The following DNAH11 variants were observed in gnomAD, a reference collection of about 807,000 sequenced individuals.
DNAH11 encodes the protein dynein axonemal heavy chain 11.
Under a neutral mutation model 526.0 loss-of-function variants are expected in DNAH11, and 442 were observed. The observed-to-expected ratio is 0.84, with a 90% CI of 0.78 to 0.91. The LOEUF (loss-of-function observed/expected upper bound fraction) is 0.91. DNAH11 is among the 40% of genes least tolerant of loss of function. DNAH11 has a pLI of 0.00. For synonymous variants in DNAH11, 2,461 were observed against 1,935.9 expected, an observed-to-expected ratio of 1.27 and a Z score of -7.12; for missense variants, 6,989 against 5,448.7, an observed-to-expected ratio of 1.28 and a Z score of -8.90.
intron 2 of DNAH11, among the ~76,000 whole-genome samples, chr7:21,556,490 G>T (rs1414404300): frequency 6.6e-6 from 1 of 152,162 alleles, no homozygotes; most frequent in Non-Finnish European, 1.5e-5. Context: ...AGTAGGTAAT[G>T]CATGTTCAGC....
intron 74 of DNAH11, 57 bp downstream of exon 74, chr7:21,873,558 G>A: frequency 6.5e-7 from 1 of 1,539,218 alleles, no homozygotes; most frequent in Non-Finnish European, 9.0e-7. Context: ...TCACAAGACT[G>A]TGGGGCCCAG....
chr7:21,784,900 T>C (rs1052600165), intron 58 of DNAH11, among the ~76,000 whole-genome samples: 1 of 152,204 alleles, frequency 6.6e-6, no homozygotes, highest in African/African-American at 2.4e-5. Flanking sequence ...AAGGATTCTT[T>C]ATTTCCTCTG....
chr7:21,720,808 T>A lies in DNAH11; in HGVS notation c.7218T>A (p.Phe2406Leu). ...DSPKEVYEVY[F>L]VFACIWAFGG... Reference sequence around the variant, plus strand: ...CAAAAGAAGTTTATGAAGTCTATTTTGTATTTGCTTGTATCTGGGCTTTTG... The same window carrying A: ...CAAAAGAAGTTTATGAAGTCTATTTAGTATTTGCTTGTATCTGGGCTTTTG... The change falls in exon 44 of 82, where the codon TTT becomes TTA. Residue 2406 changes from phenylalanine to leucine, a missense_variant. Coordinates refer to ENST00000409508, the MANE Select transcript of DNAH11 (RefSeq NM_001277115.2). 6.2e-7 allele frequency: 1 copy of A among 1,612,568 alleles called. No individual in the cohort carries two copies. Among genetic ancestry groups the A allele is most frequent in the Non-Finnish European group, 8.5e-7 (1 of 1,179,274 alleles).
At chr7:21,658,138 C>T (rs1033601434) in intron 29 of DNAH11, among the ~76,000 whole-genome samples, 31 of 151,630 alleles carry the variant, frequency 2.0e-4, no homozygotes, top group South Asian at 4.2e-4. Flanking sequence ...TATTTTTGGG[C>T]GCAAACTAAG....
chr7:21,631,477 T>A (rs1786606966), intron 25 of DNAH11, among the ~76,000 whole-genome samples: 1 of 152,156 alleles, frequency 6.6e-6, no homozygotes, highest in Non-Finnish European at 1.5e-5. Context: ...GCCTGTAAAA[T>A]CAAAAGCAAG....
chr7:21,693,497 A>T (rs115773444), intron 35 of DNAH11, among the ~76,000 whole-genome samples: 2,455 of 152,318 alleles, frequency 0.016, 31 homozygotes, highest in African/African-American at 0.042. Flanking sequence ...TAAGTTGACA[A>T]GTGTCTTCTC....
intron 22 of DNAH11, 129 bp downstream of exon 22, chr7:21,616,421 C>T: frequency 1.5e-6 from 1 of 687,744 alleles, no homozygotes. Context: ...TGATAGCAGA[C>T]AGTGTTTTTT....
At chr7:21,626,557 T>G (rs1786344160) in intron 25 of DNAH11, among the ~76,000 whole-genome samples, 1 of 152,158 alleles carries the variant, frequency 6.6e-6, no homozygotes, top group Admixed American at 6.5e-5. Context: ...TAATTTACAT[T>G]TCTACCAACA....
intron 62 of DNAH11, among the ~76,000 whole-genome samples, chr7:21,805,279 C>T (rs1057310070): frequency 6.6e-6 from 1 of 152,188 alleles, no homozygotes; most frequent in Non-Finnish European, 1.5e-5. Context: ...TGCATACGCA[C>T]AAATACTTTT....
chr7:21,646,738 T>C (rs757501506), intron 28 of DNAH11, among the ~76,000 whole-genome samples: 5 of 152,174 alleles, frequency 3.3e-5, no homozygotes, highest in Admixed American at 6.6e-5. Context: ...GGGTCTTTCC[T>C]GGTAGCGGGG....
intron 54 of DNAH11, among the ~76,000 whole-genome samples, chr7:21,751,485 C>G (rs779911425): frequency 6.6e-6 from 1 of 152,162 alleles, no homozygotes; most frequent in Non-Finnish European, 1.5e-5. Context: ...AGCCTCCAAA[C>G]TCATCAGGAA....
At chr7:21,594,790 C>T (rs1032083056) in intron 14 of DNAH11, among the ~76,000 whole-genome samples, 9 of 152,052 alleles carry the variant, frequency 5.9e-5, no homozygotes, top group Admixed American at 2.0e-4. Context: ...TGAGGTCAGA[C>T]GCTAAGCTGC....
rs199719583 is a variant in DNAH11 at position 21,868,908 on chromosome 7, G to A, written c.11884G>A (p.Val3962Met). 115 of 1,614,002 alleles carry A rather than the reference G, an allele frequency of 7.1e-5. No individual in the cohort carries two copies. In the African/African-American group the frequency reaches 1.4e-3, roughly 20 times the overall value. The change falls in exon 73 of 82, where the codon GTG becomes ATG. Residue 3962 changes from valine to methionine, a missense_variant. Physicochemically the swap from Val to Met is conservative, Grantham distance 21. Coordinates refer to ENST00000409508, the MANE Select transcript of DNAH11 (RefSeq NM_001277115.2). The part of the protein sequence containing the change: ...FTIDSGKFHN[V>M]SLGQGQETVA... ...AATTGACTCTGGAAAATTCCACAAT[G>A]TGTCTTTAGGACAAGGTCAGGAGAC...
chr7:21,620,060 A>T lies in DNAH11; in HGVS notation c.4482A>T (p.Glu1494Asp), dbSNP rs544305237. The T allele has an allele frequency of 1.3e-6, 2 of 1,599,858 alleles. No individual in the cohort carries two copies. Among genetic ancestry groups the T allele is most frequent in the South Asian group, 2.3e-5 (2 of 86,368 alleles). Reference sequence around the variant, plus strand: ...TAAAGTCTGATGAACAACTTTTTGAAACTCTAGAGCACAACCAAGTAAGAT... The same window carrying T: ...TAAAGTCTGATGAACAACTTTTTGATACTCTAGAGCACAACCAAGTAAGAT... Reference protein sequence around the residue: ...PLLKSDEQLFETLEHNQVQLQ... With the variant: ...PLLKSDEQLFDTLEHNQVQLQ... The change falls in exon 25 of 82, where the codon GAA becomes GAT. Residue 1494 changes from glutamate to aspartate, a missense_variant. Coordinates refer to ENST00000409508, the MANE Select transcript of DNAH11 (RefSeq NM_001277115.2).
intron 5 of DNAH11, among the ~76,000 whole-genome samples, chr7:21,562,750 TAA>T (rs1322944658): frequency 1.3e-5 from 2 of 152,150 alleles, no homozygotes; most frequent in Non-Finnish European, 2.9e-5. Context: ...TAAACATTGA[TAA>T]AAATAGTAAT....
chr7:21,680,590 C>T (rs1438602849), intron 30 of DNAH11, among the ~76,000 whole-genome samples: 2 of 152,190 alleles, frequency 1.3e-5, no homozygotes, highest in Non-Finnish European at 1.5e-5. Flanking sequence ...AATACATTCT[C>T]TTACTACCTG....
chr7:21,868,303 CT>C (rs932210083), intron 72 of DNAH11, among the ~76,000 whole-genome samples: 2 of 152,112 alleles, frequency 1.3e-5, no homozygotes, highest in Non-Finnish European at 2.9e-5. Context: ...CTTGTGCCCC[CT>C]GTGACTAAAT....
intron 32 of DNAH11, among the ~76,000 whole-genome samples, chr7:21,686,619 A>G (rs1475646508): frequency 1.3e-5 from 2 of 152,170 alleles, no homozygotes; most frequent in Non-Finnish European, 2.9e-5. Flanking sequence ...TGAAATAGGT[A>G]TATGTTATTT....
intron 25 of DNAH11, among the ~76,000 whole-genome samples, chr7:21,620,643 C>A (rs1786003340): frequency 6.6e-6 from 1 of 151,210 alleles, no homozygotes; most frequent in African/African-American, 2.4e-5. Context: ...ATACATGTGC[C>A]ATGCTGGTGT....
Sources: allele counts gnomAD v4.1 joint callset (sites outside exome capture counted in the v4.1 genomes callset), GRCh38; gene constraint gnomAD v4.1.1; transcripts MANE v1.5; gene names NCBI Gene and HGNC (gene_info 2026-07-23, HGNC 2026-07-21).